CHRNA2: variants seen among roughly 807,000 people sequenced by gnomAD.
CHRNA2 encodes cholinergic receptor nicotinic alpha 2 subunit, also known as neuronal acetylcholine receptor subunit alpha-2.
CHRNA2 carries 40 observed loss-of-function variants against 45.5 expected under a neutral mutation model. The ratio of observed to expected loss-of-function variants is 0.88; its 90% confidence interval spans 0.68 to 1.15. The LOEUF (loss-of-function observed/expected upper bound fraction) is 1.15, where lower values mean the gene tolerates loss of function less well. CHRNA2 is among the 50% of genes most tolerant of loss of function. The probability of loss-of-function intolerance (pLI) is 0.00; values close to 1 mark genes in which losing one functional copy is unlikely to be tolerated. For synonymous variants in CHRNA2, 301 were observed against 296.7 expected (o/e 1.01, Z -0.15); for missense variants, 655 against 701.7 (o/e 0.93, Z 0.75).
chr8:27,476,885 T>C lies in CHRNA2; in HGVS notation c.-137+1939A>G, dbSNP rs1167383675. On this transcript the variant is annotated intron_variant, in intron 1 of 6. Coordinates refer to ENST00000407991, the MANE Select transcript of CHRNA2 (RefSeq NM_000742.4). ...ACGTCTTCCTAAGAACACTGTGCAT[T>C]TATGTTGTTTTCAGGTTTACAAGGT... Among the ~76,000 whole-genome samples the C allele has an allele frequency of 1.1e-4, 17 of 152,068 alleles. 1 individual carries two copies. Among genetic ancestry groups the C allele is most frequent in the Admixed American group, 1.0e-3 (16 of 15,280 alleles).
At position 27,469,386 on chromosome 8, in the gene CHRNA2, CAG is replaced by C. The variant is rs1563322450; in HGVS notation, c.295-9_295-8del. On this transcript the variant is annotated splice_region_variant and splice_polypyrimidine_tract_variant and intron_variant, in intron 3 of 6. Transcript: ENST00000407991. ...TCATTTGGTTCTTCTCATCCTGGCC[CAG>C]AGAGAGACAGAGGAGCAATTAAAGG... 2 of 1,555,132 alleles carry C rather than the reference CAG, an allele frequency of 1.3e-6. No individual in the cohort carries two copies. The highest frequency in any genetic ancestry group is 2.4e-5 in the East Asian group (1 of 41,272).
intron 5 of CHRNA2, among the ~76,000 whole-genome samples, chr8:27,466,421 A>G (rs2132659719): frequency 6.6e-6 from 1 of 152,052 alleles, no homozygotes; most frequent in Non-Finnish European, 1.5e-5. Flanking sequence ...GTGCTCTGCC[A>G]TTTTCCAAAG....
intron 5 of CHRNA2, among the ~76,000 whole-genome samples, chr8:27,464,454 G>A (rs945287174): frequency 1.3e-5 from 2 of 152,030 alleles, no homozygotes; most frequent in South Asian, 2.1e-4. Context: ...GCCACGCCAC[G>A]GGGGAGAAGG....
chr8:27,469,093 C>T (rs1812787022), intron 4 of CHRNA2, among the ~76,000 whole-genome samples: 1 of 152,208 alleles, frequency 6.6e-6, no homozygotes, highest in South Asian at 2.1e-4. Context: ...CAGGAAAGCA[C>T]CACTTGGCTT....
At chr8:27,467,449 GC>G (rs1812735064) in intron 4 of CHRNA2, 111 bp from the exon 5 acceptor site, 1 of 807,230 alleles carries the variant, frequency 1.2e-6, no homozygotes, top group Non-Finnish European at 2.1e-6. Context: ...CCTTGGAGCA[GC>G]CAGGGCTCCC....
intron 4 of CHRNA2, 81 bp from the exon 5 acceptor site, chr8:27,467,419 A>C: frequency 8.7e-7 from 1 of 1,146,172 alleles, no homozygotes; most frequent in East Asian, 2.4e-5. Flanking sequence ...GGGGATGCCC[A>C]GAATTGGGCC....
At chr8:27,467,654 G>C (rs942257328) in intron 4 of CHRNA2, 9 of 355,654 alleles carry the variant, frequency 2.5e-5, no homozygotes, top group African/African-American at 1.6e-4. Flanking sequence ...CTCATCTCTA[G>C]TGAAATCTCT....
intron 3 of CHRNA2, 183 bp downstream of exon 3, chr8:27,469,578 A>T: frequency 1.1e-6 from 1 of 873,806 alleles, no homozygotes; most frequent in Non-Finnish European, 1.8e-6. Flanking sequence ...ATGCCCTCCT[A>T]GGAGGGAGCT....
intron 1 of CHRNA2, among the ~76,000 whole-genome samples, chr8:27,474,773 G>A (rs1051150139): frequency 6.6e-6 from 1 of 152,172 alleles, no homozygotes; most frequent in Non-Finnish European, 1.5e-5. Context: ...AACTCACATC[G>A]CCCTGCAAAT....
intron 1 of CHRNA2, among the ~76,000 whole-genome samples, chr8:27,477,640 G>A (rs1003382000): frequency 6.6e-6 from 1 of 152,014 alleles, no homozygotes; most frequent in Non-Finnish European, 1.5e-5. Context: ...AGGAGGAATT[G>A]TTCCAGGTGA....
chr8:27,476,943 G>A (rs538837447), intron 1 of CHRNA2, among the ~76,000 whole-genome samples: 189 of 151,668 alleles, frequency 1.2e-3, no homozygotes, highest in African/African-American at 4.1e-3. Flanking sequence ...TGGGCCTCAC[G>A]TGACCCCTAG....
At chr8:27,469,486 G>T in intron 3 of CHRNA2, 107 bp from the exon 4 acceptor site, 1 of 1,200,926 alleles carries the variant, frequency 8.3e-7, no homozygotes, top group South Asian at 1.3e-5. Context: ...GACACCCCAA[G>T]CCCAGCCCGC....
Position 27,463,228 on chromosome 8 carries a change from C to T in CHRNA2, c.1215G>A (p.Glu405=), listed in dbSNP as rs939566379. The change falls in exon 6 of 7, where the codon GAG becomes GAA. Residue 405 remains glutamate, a synonymous_variant. Coordinates refer to ENST00000407991, the MANE Select transcript of CHRNA2 (RefSeq NM_000742.4). The surrounding 1 kb of genome is among the most constrained non-coding windows in gnomAD (Gnocchi z 6.1). The stretch of plus-strand genomic sequence containing the variant: ...CCCTCTCCTCGGCATCCACGTTGCT[C>T]TCCAGCCAGTGATAAGAGGGGCTGA... ...LKLSPSYHWL[E]SNVDAEEREV... 6.3e-7 allele frequency: 1 copy of T among 1,592,124 alleles called. No homozygotes were observed. The highest frequency in any genetic ancestry group is 1.3e-5 in the African/African-American group (1 of 74,586).
Position 27,461,581 on chromosome 8 carries a change from A to G in CHRNA2, c.*48T>C, listed in dbSNP as rs1409810899. The G allele has an allele frequency of 6.2e-7, 1 of 1,612,944 alleles. No individual in the cohort carries two copies. Among genetic ancestry groups the G allele is most frequent in the Admixed American group, 1.7e-5 (1 of 60,014 alleles). ...AGGCAGCTGTAGCAGAGACGGTCAA[A>G]AGATGGTCAGCGGGGGTGCCCTGGG... On this transcript the variant is annotated 3_prime_UTR_variant, in exon 7 of 7. Transcript: ENST00000407991.
rs1427091098 is a variant in CHRNA2, at chr8:27,467,346, T to C, written c.340-8A>G. On this transcript the variant is annotated splice_region_variant and splice_polypyrimidine_tract_variant and intron_variant, in intron 4 of 6. Coordinates refer to ENST00000407991, the MANE Select transcript of CHRNA2 (RefSeq NM_000742.4). ...TTTGTAGTCGCTCCACTCCTGTGTG[T>C]GGGGAAGGAGTTGTGTCAACCTCGC... The C allele has an allele frequency of 2.5e-6, 4 of 1,600,348 alleles. No homozygotes were observed. The highest frequency in any genetic ancestry group is 3.4e-6 in the Non-Finnish European group (4 of 1,167,856).
In CHRNA2 at chr8:27,462,975, G is replaced by A. The variant is rs1586388485; in HGVS notation, c.1464+4C>T. On this transcript the variant is annotated splice_donor_region_variant and intron_variant, in intron 6 of 6. Transcript: ENST00000407991. ...GGCTGGCGCCTCTCCCAACCCCAAC[G>A]CACCGAAGAGTCAGCATCCTCAGAC... 6 of 1,613,990 alleles carry A rather than the reference G, an allele frequency of 3.7e-6. No individual in the cohort carries two copies. The highest frequency in any genetic ancestry group is 1.1e-5 in the South Asian group (1 of 91,084).
At chr8:27,473,091 A>G (rs1411604310) in intron 1 of CHRNA2, among the ~76,000 whole-genome samples, 2 of 152,122 alleles carry the variant, frequency 1.3e-5, no homozygotes, top group Non-Finnish European at 2.9e-5. Flanking sequence ...ATATATCACT[A>G]AAATAACATT....
At chr8:27,474,816 C>G (rs75425352) in intron 1 of CHRNA2, among the ~76,000 whole-genome samples, 3,185 of 152,352 alleles carry the variant, frequency 0.021, 121 homozygotes, top group African/African-American at 0.073. Context: ...CCCACCCCAG[C>G]CTGGGCATCA....
intron 6 of CHRNA2, among the ~76,000 whole-genome samples, chr8:27,462,252 C>G (rs891394): frequency 0.22 from 33,729 of 152,156 alleles, 4,463 homozygotes; most frequent in Middle Eastern, 0.34. Context: ...ACAGCCCAGA[C>G]AAGGGAGCCT....
Sources: gnomAD v4.1 joint callset for allele counts (sites outside exome capture counted in the v4.1 genomes callset) on GRCh38, gnomAD v4.1.1 for gene constraint, Gnocchi (gnomAD v3.1) non-coding constraint, MANE v1.5 for transcripts, NCBI Gene and HGNC (gene_info 2026-07-23, HGNC 2026-07-21) for gene names.